The following RC3H1 variants were observed in gnomAD, a reference collection of about 807,000 sequenced individuals.
RC3H1 encodes ring finger and CCCH-type domains 1.
In RC3H1, 50 loss-of-function variants were observed where a neutral mutation model predicts 138.2. The observed-to-expected ratio is 0.36, with a 90% CI of 0.29 to 0.46. RC3H1 has a LOEUF of 0.46. Among genes scored for constraint, RC3H1 ranks in the 20% least tolerant of loss-of-function variants. The pLI is 1.00. For missense variants in RC3H1, 1,031 were observed against 1,388.1 expected (o/e 0.74, Z 4.09); for synonymous variants, 462 against 489.1 (o/e 0.94, Z 0.73).
chr1:173,962,982 C>T (rs1190537137), intron 11 of RC3H1, among the ~76,000 whole-genome samples: 1 of 152,182 alleles, frequency 6.6e-6, no homozygotes, highest in African/African-American at 2.4e-5. Flanking sequence ...GAAGACAGCA[C>T]TTTTAATCTA....
At chr1:173,964,350 GTTTCT>G (rs10606279) in intron 10 of RC3H1, among the ~76,000 whole-genome samples, 163 bp from the exon 11 acceptor site, 42,992 of 150,894 alleles carry the variant, frequency 0.28, 10,901 homozygotes, top group African/African-American at 0.69. Flanking sequence ...TATGTTAATT[GTTTCT>G]TTTCTTTTTT....
At chr1:174,017,260 A>C (rs1474283129) in intron 1 of RC3H1, among the ~76,000 whole-genome samples, 3 of 152,198 alleles carry the variant, frequency 2.0e-5, no homozygotes, top group Non-Finnish European at 4.4e-5. Context: ...TAGAACATTA[A>C]ATTTTAGTTC....
intron 1 of RC3H1, among the ~76,000 whole-genome samples, chr1:174,017,435 GT>G (rs1234626179): frequency 6.6e-6 from 1 of 152,116 alleles, no homozygotes; most frequent in Non-Finnish European, 1.5e-5. Context: ...GAATTAGGTG[GT>G]TTTTTATTCC....
chr1:174,021,092 G>A (rs192187023), intron 1 of RC3H1, among the ~76,000 whole-genome samples: 2 of 152,286 alleles, frequency 1.3e-5, no homozygotes, highest in East Asian at 1.9e-4. Context: ...ACTGAAACAC[G>A]AGACAAGGCA....
At chr1:174,006,449 TGAAG>T (rs1349149189) in intron 1 of RC3H1, among the ~76,000 whole-genome samples, 5 of 152,136 alleles carry the variant, frequency 3.3e-5, no homozygotes, top group Admixed American at 6.6e-5. Context: ...ACTTTACTGA[TGAAG>T]GAAGGAAAGA....
At chr1:173,990,016 G>A (rs1349215686) in intron 2 of RC3H1, among the ~76,000 whole-genome samples, 4 of 151,896 alleles carry the variant, frequency 2.6e-5, no homozygotes, top group East Asian at 1.9e-4. Flanking sequence ...GTGAGCCACC[G>A]CGCCCGGCCT....
intron 18 of RC3H1, among the ~76,000 whole-genome samples, chr1:173,941,770 A>G (rs564851251): frequency 6.6e-6 from 1 of 152,118 alleles, no homozygotes; most frequent in African/African-American, 2.4e-5. Flanking sequence ...CGTCTCTACT[A>G]AAAATACAAA....
At position 173,993,958 on chromosome 1, in the gene RC3H1, T is replaced by G. The variant is rs372925064; in HGVS notation, c.-150-823A>C. Among the ~76,000 whole-genome samples, 719 of 138,134 alleles carry G rather than the reference T, an allele frequency of 5.2e-3. 3 individuals are homozygous for G. The highest frequency in any genetic ancestry group is 8.1e-3 in the Non-Finnish European group (538 of 66,104). The allele number at this position is 138,134 out of a possible 152,430, so 90.6% of individuals were successfully genotyped here. ...TCGCTTAAACCCGGGAGGCGGAGGT[T>G]GTGGTGAGCCAAGATCGCGCCATTG... On this transcript the variant is annotated intron_variant, in intron 1 of 19. Coordinates refer to ENST00000367696, the MANE Select transcript of RC3H1 (RefSeq NM_172071.4).
At chr1:173,940,497 A>G (rs1285490165) in intron 19 of RC3H1, among the ~76,000 whole-genome samples, 1 of 152,114 alleles carries the variant, frequency 6.6e-6, no homozygotes, top group Non-Finnish European at 1.5e-5. Context: ...AAGATAATAT[A>G]ATACACCAAA....
At chr1:173,994,465 T>C (rs1298219242) in intron 1 of RC3H1, among the ~76,000 whole-genome samples, 1 of 152,126 alleles carries the variant, frequency 6.6e-6, no homozygotes, top group Non-Finnish European at 1.5e-5. Context: ...TATAAACATA[T>C]GTTTCCTCTG....
chr1:173,960,107 C>CA (rs58330993), intron 13 of RC3H1, among the ~76,000 whole-genome samples: 7,234 of 50,156 alleles, frequency 0.14, 592 homozygotes, highest in East Asian at 0.34. Context: ...GACTCCGACT[C>CA]AAAAAAAAAA....
chr1:173,941,449 C>T, intron 18 of RC3H1, 69 bp from the exon 19 acceptor site: 2 of 867,708 alleles, frequency 2.3e-6, no homozygotes, highest in South Asian at 1.4e-5. Flanking sequence ...GACCAAATTA[C>T]AGATAATACA....
chr1:173,990,361 G>A (rs1661222649), intron 2 of RC3H1, among the ~76,000 whole-genome samples: 1 of 151,730 alleles, frequency 6.6e-6, no homozygotes, highest in Admixed American at 6.6e-5. Flanking sequence ...TTATAGGCAT[G>A]AGCCACTGCA....
rs1393170061 is a variant in RC3H1, at chr1:173,937,421, G to A, written c.*1300C>T. 6.6e-6 allele frequency: 1 copy of A among 152,016 alleles called. No individual in the cohort carries two copies. Among genetic ancestry groups the A allele is most frequent in the Admixed American group, 6.6e-5 (1 of 15,224 alleles). 9.4% of individuals were successfully genotyped at this position (152,016 alleles called of 1,614,324 possible). Reference sequence around the variant, plus strand: ...AAAATCAGGCAAATAGAGGAATGGAGAGGGCAACTATATCAAACAGTCCCC... The same window carrying A: ...AAAATCAGGCAAATAGAGGAATGGAAAGGGCAACTATATCAAACAGTCCCC... On this transcript the variant is annotated 3_prime_UTR_variant, in exon 20 of 20. Transcript: ENST00000367696.
chr1:173,975,185 T>A (rs1660520456), intron 7 of RC3H1, among the ~76,000 whole-genome samples: 1 of 152,158 alleles, frequency 6.6e-6, no homozygotes, highest in African/African-American at 2.4e-5. Context: ...AACCTCCATC[T>A]TCCGGGTTCA....
At chr1:173,943,717 C>A (rs918089363) in intron 17 of RC3H1, 102 bp from the exon 18 acceptor site, 19 of 1,171,746 alleles carry the variant, frequency 1.6e-5, no homozygotes, top group Non-Finnish European at 2.2e-5. Flanking sequence ...AGCTTATCAC[C>A]CAGCCATTTG....
At chr1:174,007,180 G>A (rs901234385) in intron 1 of RC3H1, among the ~76,000 whole-genome samples, 3 of 152,088 alleles carry the variant, frequency 2.0e-5, no homozygotes, top group Non-Finnish European at 4.4e-5. Context: ...ACGAGGTCAG[G>A]AAATTGAGAC....
Position 173,961,895 on chromosome 1 carries a change from C to A in RC3H1, c.2032G>T (p.Ala678Ser). 1 of 1,614,086 alleles carries A rather than the reference C, an allele frequency of 6.2e-7. No individual in the cohort carries two copies. Among genetic ancestry groups the A allele is most frequent in the Non-Finnish European group, 8.5e-7 (1 of 1,180,026 alleles). ...SHYDGRRVYPAPSYTREEIFR... is the reference protein window; with the variant it reads ...SHYDGRRVYPSPSYTREEIFR... ...ATCTCTTCTCTTGTGTAAGACGGAG[C>A]AGGGTACACTCGACGGCCATCATAG... Residue 678 changes from alanine (A) to serine (S), a missense_variant, in exon 12 of 20, where the codon GCT becomes TCT. Around this residue, in one of 7 missense-constraint regions of RC3H1, gnomAD observed 716 missense variants for 837.9 expected, o/e 0.85. Transcript: ENST00000367696.
chr1:173,942,500 C>CA (rs1448281286), intron 18 of RC3H1, among the ~76,000 whole-genome samples: 13 of 142,710 alleles, frequency 9.1e-5, no homozygotes, highest in Non-Finnish European at 1.2e-4. Flanking sequence ...TTACTGAAAG[C>CA]AAAAAAAACC....
Sources: gnomAD v4.1 joint callset for allele counts (sites outside exome capture counted in the v4.1 genomes callset) on GRCh38, gnomAD v4.1.1 for gene constraint, gnomAD v4.1.1 regional missense constraint, MANE v1.5 for transcripts, NCBI Gene and HGNC (gene_info 2026-07-23, HGNC 2026-07-21) for gene names.